Variants in NHLRC2 observed in about 807,000 individuals in gnomAD.
NHLRC2 encodes NHL repeat-containing protein 2.
Under a neutral mutation model 68.1 loss-of-function variants are expected in NHLRC2, and 33 were observed. That is an observed-to-expected ratio of 0.48 (90% confidence interval 0.37 to 0.65). The LOEUF is 0.65. Ranked by LOEUF, NHLRC2 falls within the 30% of genes least tolerant of loss-of-function variation. NHLRC2 has a pLI of 0.00. For synonymous variants in NHLRC2, 311 were observed against 309.6 expected, an observed-to-expected ratio of 1.00 and a Z score of -0.05; for missense variants, 761 against 853.8, an observed-to-expected ratio of 0.89 and a Z score of 1.35.
rs778311012 is a variant in NHLRC2, at chr10:113,898,095, T to C, written c.1040-15T>C. 2.4e-5 allele frequency: 36 copies of C among 1,505,606 alleles called. No homozygotes were observed. The African/African-American group carries it at 2.8e-4, about 12-fold the overall frequency. 93.3% of individuals were successfully genotyped at this position (1,505,606 alleles called of 1,614,324 possible). ...CCAGATATGTATATAATAATAATGA[T>C]TTATTTTTATAAAGGTTCAGAGGTC... On this transcript the variant is annotated splice_polypyrimidine_tract_variant and intron_variant, in intron 5 of 10. Transcript: ENST00000369301.
chr10:113,856,565 G>A (rs1027246468), intron 1 of NHLRC2, among the ~76,000 whole-genome samples: 5 of 152,138 alleles, frequency 3.3e-5, no homozygotes, highest in African/African-American at 1.2e-4. Context: ...TATATAGTAA[G>A]TACACTGTTA....
chr10:113,871,852 G>A (rs1484424120), intron 2 of NHLRC2, among the ~76,000 whole-genome samples: 1 of 152,132 alleles, frequency 6.6e-6, no homozygotes, highest in Non-Finnish European at 1.5e-5. Flanking sequence ...CTAGGAGACA[G>A]AGAATATCAT....
intron 2 of NHLRC2, among the ~76,000 whole-genome samples, chr10:113,873,489 A>C (rs1221102136): frequency 1.3e-5 from 2 of 152,150 alleles, no homozygotes; most frequent in African/African-American, 2.4e-5. Context: ...GTGGAGCTAC[A>C]TGGCTAACTA....
intron 5 of NHLRC2, among the ~76,000 whole-genome samples, chr10:113,890,388 G>C (rs1359626504): frequency 6.6e-6 from 1 of 151,894 alleles, no homozygotes; most frequent in Non-Finnish European, 1.5e-5. Context: ...ATTATCTCTT[G>C]TTCTTTATAT....
At chr10:113,893,334 C>A (rs1846149574) in intron 5 of NHLRC2, among the ~76,000 whole-genome samples, 1 of 152,194 alleles carries the variant, frequency 6.6e-6, no homozygotes. Context: ...CTCATCAGAA[C>A]ACTCATAATC....
At chr10:113,859,756 T>C (rs1845798618) in intron 2 of NHLRC2, among the ~76,000 whole-genome samples, 1 of 152,228 alleles carries the variant, frequency 6.6e-6, no homozygotes, top group South Asian at 2.1e-4. Context: ...CTCTGCTAAC[T>C]GCTGAGGAAA....
intron 5 of NHLRC2, among the ~76,000 whole-genome samples, chr10:113,894,767 T>C (rs893131247): frequency 1.3e-5 from 2 of 152,152 alleles, no homozygotes; most frequent in African/African-American, 4.8e-5. Context: ...GCTGAGTTTT[T>C]ATCATGAATG....
intron 3 of NHLRC2, among the ~76,000 whole-genome samples, chr10:113,877,675 G>A (rs1845997060): frequency 6.6e-6 from 1 of 152,130 alleles, no homozygotes; most frequent in African/African-American, 2.4e-5. Context: ...ACATTTGACA[G>A]CATGTTAGTC....
At chr10:113,871,621 CTTAG>C (rs1222327709) in intron 2 of NHLRC2, among the ~76,000 whole-genome samples, 2 of 152,200 alleles carry the variant, frequency 1.3e-5, no homozygotes, top group African/African-American at 4.8e-5. Flanking sequence ...TGGTTTTATA[CTTAG>C]TTTATTTAAT....
intron 1 of NHLRC2, among the ~76,000 whole-genome samples, chr10:113,856,698 AC>A (rs1218285611): frequency 6.6e-6 from 1 of 152,216 alleles, no homozygotes; most frequent in African/African-American, 2.4e-5. Flanking sequence ...AACTAAAAAA[AC>A]ATATAATAAA....
chr10:113,872,176 C>T (rs960195545), intron 2 of NHLRC2, among the ~76,000 whole-genome samples: 1 of 151,818 alleles, frequency 6.6e-6, no homozygotes, highest in African/African-American at 2.4e-5. Context: ...AGATAATCAG[C>T]TATATAAGAA....
At chr10:113,897,800 T>G (rs1188443103) in intron 5 of NHLRC2, among the ~76,000 whole-genome samples, 1 of 152,240 alleles carries the variant, frequency 6.6e-6, no homozygotes, top group African/African-American at 2.4e-5. Context: ...TAAAACATTG[T>G]TAATGCTCGT....
chr10:113,891,967 C>G (rs1416118911), intron 5 of NHLRC2, among the ~76,000 whole-genome samples: 3 of 152,160 alleles, frequency 2.0e-5, no homozygotes, highest in Non-Finnish European at 4.4e-5. Context: ...TGCTTGGTGT[C>G]AGTAGAGCAT....
At chr10:113,908,198 C>T (rs907152724) in intron 10 of NHLRC2, 82 bp from the exon 11 acceptor site, 11 of 1,029,136 alleles carry the variant, frequency 1.1e-5, no homozygotes, top group East Asian at 4.9e-5. Context: ...ATTTGTCGAT[C>T]GAGTTTATCT....
chr10:113,913,485 T>A lies in NHLRC2; in HGVS notation c.*4949T>A, dbSNP rs1846348185. 6.6e-6 allele frequency: 1 copy of A among 152,194 alleles called. No homozygotes were observed. The highest frequency in any genetic ancestry group is 1.5e-5 in the Non-Finnish European group (1 of 68,036). The allele number at this position is 152,194 out of a possible 1,614,324, so 9.4% of individuals were successfully genotyped here. Reference sequence around the variant, plus strand: ...ATTATCCAGAGTTTTTCTTGGCAGATGGATGTATTAAAAAAATAGCTTTCC... The same window carrying A: ...ATTATCCAGAGTTTTTCTTGGCAGAAGGATGTATTAAAAAAATAGCTTTCC... On this transcript the variant is annotated 3_prime_UTR_variant, in exon 11 of 11. Coordinates refer to ENST00000369301, the MANE Select transcript of NHLRC2 (RefSeq NM_198514.4).
chr10:113,905,363 T>A (rs967219353), intron 10 of NHLRC2, among the ~76,000 whole-genome samples: 1 of 152,194 alleles, frequency 6.6e-6, no homozygotes, highest in African/African-American at 2.4e-5. Flanking sequence ...AATCTTAGAG[T>A]TAAAAAGTCT....
In NHLRC2 at chr10:113,879,647, GAAT is replaced by G; in HGVS notation, c.866_868del (p.Asn289del). On this transcript the variant is annotated inframe_deletion, in exon 4 of 11. Transcript: ENST00000369301. ...ATTCTCCACAGGGTGTAGCCATAAT[GAAT>G]AATATCATATATGTGGCAGACACTG... is the stretch of plus-strand genomic sequence containing the variant. 6.4e-7 allele frequency: 1 copy of G among 1,563,058 alleles called. No individual in the cohort carries two copies. The highest frequency in any genetic ancestry group is 8.8e-7 in the Non-Finnish European group (1 of 1,141,334).
chr10:113,914,145 C>A lies in NHLRC2; in HGVS notation c.*5609C>A, dbSNP rs114509331. ...GGATTACAGGCGTGAGCCACCGTAC[C>A]CAGCCTAGCATTAGGTACTTTGTTT... On this transcript the variant is annotated 3_prime_UTR_variant, in exon 11 of 11. Transcript: ENST00000369301. 0.011 allele frequency: 1,673 copies of A among 151,310 alleles called. 27 individuals are homozygous for A. Among genetic ancestry groups the A allele is most frequent in the African/African-American group, 0.037 (1,514 of 41,108 alleles). 9.4% of individuals were successfully genotyped at this position (151,310 alleles called of 1,614,324 possible). A position where few individuals can be genotyped will look rare whatever the true frequency, so the allele number is the denominator to read the frequency against.
chr10:113,894,585 C>G lies in NHLRC2; in HGVS notation c.1040-3525C>G, dbSNP rs528708347. Among the ~76,000 whole-genome samples, 21 of 151,982 alleles carry G rather than the reference C, an allele frequency of 1.4e-4. No homozygotes were observed. The South Asian group carries it at 4.4e-3, about 32-fold the overall frequency. ...TGCTTCTTTTTCCTTCTTTGTTGCA[C>G]AAACTAGGACCTCCATAAGGTGTTA... On this transcript the variant is annotated intron_variant, in intron 5 of 10. Coordinates refer to ENST00000369301, the MANE Select transcript of NHLRC2 (RefSeq NM_198514.4).
Sources: gnomAD v4.1 joint callset for allele counts (sites outside exome capture counted in the v4.1 genomes callset) on GRCh38, gnomAD v4.1.1 for gene constraint, MANE v1.5 for transcripts, NCBI Gene and HGNC (gene_info 2026-07-23, HGNC 2026-07-21) for gene names.